GALNT2: variants seen among roughly 807,000 people sequenced by gnomAD.
GALNT2 encodes the protein UDP-GalNAc:polypeptide N-acetylgalactosaminyltransferase 2.
GALNT2 carries 31 observed loss-of-function variants against 81.4 expected under a neutral mutation model. The observed-to-expected ratio is 0.38, with a 90% CI of 0.29 to 0.51. The LOEUF (loss-of-function observed/expected upper bound fraction) is 0.51. Ranked by LOEUF, GALNT2 falls within the 20% of genes least tolerant of loss-of-function variation. GALNT2 has a pLI of 0.87. For missense variants in GALNT2, 629 were observed against 765.7 expected (o/e 0.82, Z 2.11); for synonymous variants, 303 against 287.4 (o/e 1.05, Z -0.55).
intron 1 of GALNT2, among the ~76,000 whole-genome samples, chr1:230,137,965 C>T (rs111639900): frequency 6.6e-6 from 1 of 152,168 alleles, no homozygotes; most frequent in African/African-American, 2.4e-5. Flanking sequence ...AGCAGTAGTG[C>T]TTCATTCTAA....
intron 1 of GALNT2, among the ~76,000 whole-genome samples, chr1:230,170,732 G>A (rs150806971): frequency 6.6e-6 from 1 of 152,196 alleles, no homozygotes; most frequent in Non-Finnish European, 1.5e-5. Context: ...AGGTGAAGGG[G>A]AGCAGGTGTG....
At chr1:230,087,631 C>G (rs1315702463) in intron 1 of GALNT2, among the ~76,000 whole-genome samples, 1 of 152,158 alleles carries the variant, frequency 6.6e-6, no homozygotes, top group Non-Finnish European at 1.5e-5. Context: ...AAAAAGCTCC[C>G]CATGTGTGAA....
At chr1:230,105,479 G>A (rs942080661) in intron 1 of GALNT2, among the ~76,000 whole-genome samples, 20 of 152,254 alleles carry the variant, frequency 1.3e-4, no homozygotes, top group Admixed American at 1.1e-3. Flanking sequence ...TTCATTGATC[G>A]TGTTTTTCTT....
chr1:230,208,709 A>G (rs986412426), intron 3 of GALNT2, among the ~76,000 whole-genome samples: 1 of 152,214 alleles, frequency 6.6e-6, no homozygotes, highest in Non-Finnish European at 1.5e-5. Context: ...TAGATTGCGT[A>G]CTATTTTAGG....
chr1:230,173,944 G>A (rs1357088275), intron 1 of GALNT2, among the ~76,000 whole-genome samples: 1 of 151,960 alleles, frequency 6.6e-6, no homozygotes, highest in Non-Finnish European at 1.5e-5. Context: ...AGCAACTATT[G>A]TAAGGCCACC....
Position 230,243,508 on chromosome 1 carries a change from G to A in GALNT2, c.729+81G>A. The A allele has an allele frequency of 6.5e-7, 1 of 1,536,886 alleles. No homozygotes were observed. Among genetic ancestry groups the A allele is most frequent in the South Asian group, 1.2e-5 (1 of 83,502 alleles). Reference sequence around the variant, plus strand: ...CAGAAGGGAGCATGGTCCAGGGGAGGTGTAACGCAGGGAGTAGGGCGTCAG... The same window carrying A: ...CAGAAGGGAGCATGGTCCAGGGGAGATGTAACGCAGGGAGTAGGGCGTCAG... On this transcript the variant is annotated intron_variant, in intron 7 of 15. Transcript: ENST00000366672. The surrounding 1 kb of genome is among the most constrained non-coding windows in gnomAD (Gnocchi z 4.2).
intron 1 of GALNT2, among the ~76,000 whole-genome samples, chr1:230,080,156 TGGCCCTGGAA>T (rs1012536670): frequency 1.3e-5 from 2 of 152,248 alleles, no homozygotes; most frequent in African/African-American, 4.8e-5. Context: ...TTCCTTGTAC[TGGCCCTGGAA>T]GGATATTTTT....
chr1:230,248,157 C>T (rs374162252), intron 8 of GALNT2, among the ~76,000 whole-genome samples: 6 of 152,208 alleles, frequency 3.9e-5, no homozygotes, highest in African/African-American at 1.4e-4. Context: ...TTGGCCAGCC[C>T]AGGACACTCA....
At chr1:230,097,465 C>T (rs1254451806) in intron 1 of GALNT2, among the ~76,000 whole-genome samples, 2 of 152,164 alleles carry the variant, frequency 1.3e-5, no homozygotes, top group African/African-American at 2.4e-5. Context: ...TCTGACTACT[C>T]TAGATACTTC....
At chr1:230,185,301 T>TGCGCGCGCGCGC (rs58067663) in intron 2 of GALNT2, among the ~76,000 whole-genome samples, 1 of 126,012 alleles carries the variant, frequency 7.9e-6, no homozygotes, top group Admixed American at 7.6e-5. Flanking sequence ...TGTGTGTGTG[T>TGCGCGCGCGCGC]GCGCGCGTGT....
chr1:230,165,604 A>G lies in GALNT2; in HGVS notation c.127-12614A>G, dbSNP rs72651040. On this transcript the variant is annotated intron_variant, in intron 1 of 15. Coordinates refer to ENST00000366672, the MANE Select transcript of GALNT2 (RefSeq NM_004481.5). Reference sequence around the variant, plus strand: ...TTTACACTGTGTCCTTTTGCTTTTAAAATAAGGTAGTGAGACATCTGCAGC... The same window carrying G: ...TTTACACTGTGTCCTTTTGCTTTTAGAATAAGGTAGTGAGACATCTGCAGC... Among the ~76,000 whole-genome samples, 262 of 152,338 alleles carry G rather than the reference A, an allele frequency of 1.7e-3. 2 individuals carry two copies. Among genetic ancestry groups the G allele is most frequent in the Non-Finnish European group, 3.2e-3 (218 of 68,038 alleles).
intron 15 of GALNT2, among the ~76,000 whole-genome samples, chr1:230,276,798 T>C (rs944337216): frequency 2.6e-5 from 4 of 152,212 alleles, no homozygotes; most frequent in African/African-American, 9.6e-5. Context: ...AAGAGAAGGC[T>C]AGCACCGCTT....
intron 1 of GALNT2, among the ~76,000 whole-genome samples, chr1:230,165,362 C>G (rs1328740755): frequency 6.6e-6 from 1 of 152,180 alleles, no homozygotes. Context: ...GGGCTGTTAA[C>G]AGAAATTAAC....
chr1:230,215,333 G>A (rs563921709), intron 3 of GALNT2, among the ~76,000 whole-genome samples: 7 of 152,366 alleles, frequency 4.6e-5, no homozygotes, highest in African/African-American at 1.4e-4. Context: ...GCTCTATGCC[G>A]TTTGAGGGGA....
intron 1 of GALNT2, among the ~76,000 whole-genome samples, chr1:230,107,643 T>TGTGTGG (rs779421010): frequency 6.7e-6 from 1 of 149,006 alleles, no homozygotes; most frequent in African/African-American, 2.5e-5. Context: ...TGTGTGTGTG[T>TGTGTGG]GGTTGGTTGG....
intron 1 of GALNT2, among the ~76,000 whole-genome samples, chr1:230,095,669 C>T (rs903534666): frequency 6.6e-6 from 1 of 152,206 alleles, no homozygotes; most frequent in Middle Eastern, 3.2e-3. Context: ...CTCCCTGCCT[C>T]GTGAATCTGG....
At position 230,246,167 on chromosome 1, in the gene GALNT2, G is replaced by A. The variant is rs1345412108; in HGVS notation, c.817+17G>A. The A allele has an allele frequency of 3.8e-6, 6 of 1,591,950 alleles. No homozygotes were observed. In the African/African-American group the frequency reaches 8.1e-5, roughly 21 times the overall value. On this transcript the variant is annotated intron_variant, in intron 8 of 15. Transcript: ENST00000366672. ...TGAAGGGCGGTAGGTGTCTGTCATGGTGCCCCTGCCTAGCTCGTCCCGTCT... is the reference window on the plus strand; with the variant it reads ...TGAAGGGCGGTAGGTGTCTGTCATGATGCCCCTGCCTAGCTCGTCCCGTCT...
intron 3 of GALNT2, among the ~76,000 whole-genome samples, 165 bp downstream of exon 3, chr1:230,203,455 T>C (rs527854776): frequency 2.0e-5 from 3 of 152,218 alleles, no homozygotes; most frequent in African/African-American, 7.2e-5. Flanking sequence ...ACTTCATCCA[T>C]AGGCAGTGGA....
intron 1 of GALNT2, among the ~76,000 whole-genome samples, chr1:230,150,135 C>T (rs576385837): frequency 2.6e-5 from 4 of 152,318 alleles, no homozygotes; most frequent in Admixed American, 1.3e-4. Flanking sequence ...TTCCTGGATG[C>T]GGAGCCCATG....
Sources: allele counts gnomAD v4.1 joint callset (sites outside exome capture counted in the v4.1 genomes callset), GRCh38; gene constraint gnomAD v4.1.1; non-coding constraint Gnocchi (gnomAD v3.1); transcripts MANE v1.5; gene names NCBI Gene and HGNC (gene_info 2026-07-23, HGNC 2026-07-21).